The following RPS6KA2 variants were observed in gnomAD, a reference collection of about 807,000 sequenced individuals.
RPS6KA2 encodes ribosomal protein S6 kinase alpha-2.
A neutral mutation model predicts 91.8 loss-of-function variants in RPS6KA2; 42 were observed. The observed-to-expected ratio is 0.46, with a 90% CI of 0.36 to 0.59. The LOEUF (loss-of-function observed/expected upper bound fraction) is 0.59. RPS6KA2 is among the 20% of genes least tolerant of loss of function. RPS6KA2 has a pLI of 0.00. For synonymous variants in RPS6KA2, 414 were observed against 393.6 expected, an observed-to-expected ratio of 1.05 and a Z score of -0.61; for missense variants, 798 against 978.5, an observed-to-expected ratio of 0.82 and a Z score of 2.46.
intron 2 of RPS6KA2, among the ~76,000 whole-genome samples, chr6:166,730,651 A>T (rs986279205): frequency 1.2e-4 from 18 of 152,246 alleles, no homozygotes; most frequent in Non-Finnish European, 2.9e-5. Flanking sequence ...TTCTCTATAA[A>T]CATTTGAAAT....
intron 2 of RPS6KA2, among the ~76,000 whole-genome samples, chr6:166,718,479 A>G (rs541927072): frequency 2.0e-5 from 3 of 152,362 alleles, no homozygotes; most frequent in Admixed American, 6.5e-5. Flanking sequence ...CGTTTGAAGA[A>G]AAGTAATAGT....
At chr6:166,427,321 G>A (rs1369422306) in intron 16 of RPS6KA2, among the ~76,000 whole-genome samples, 1 of 152,076 alleles carries the variant, frequency 6.6e-6, no homozygotes. Flanking sequence ...AAGAGCTATC[G>A]ATGACAAACC....
chr6:166,650,661 T>C (rs1787828324), intron 2 of RPS6KA2, among the ~76,000 whole-genome samples: 1 of 152,238 alleles, frequency 6.6e-6, no homozygotes, highest in Admixed American at 6.5e-5. Context: ...GAGGGTGAAC[T>C]GAGTCAGGCT....
rs145380547 is a variant in RPS6KA2 at position 166,732,664 on chromosome 6, G to T, written c.123+125536C>A. On this transcript the variant is annotated intron_variant, in intron 2 of 21. Coordinates refer to the RPS6KA2 transcript ENST00000503859. This position sits in a 1 kb window ranked among gnomAD's most constrained non-coding sequence, Gnocchi z 4.0. ...GCCTTTGCAGGGATTGCTGTCTAGGGGATGGAAGCGCAAAGAAGCTCGGAG... is the reference window on the plus strand; with the variant it reads ...GCCTTTGCAGGGATTGCTGTCTAGGTGATGGAAGCGCAAAGAAGCTCGGAG... Among the ~76,000 whole-genome samples the T allele has an allele frequency of 1.2e-3, 178 of 152,330 alleles. No homozygotes were observed. The highest frequency in any genetic ancestry group is 2.8e-3 in the Admixed American group (43 of 15,298).
At chr6:166,750,521 G>T (rs933094236) in intron 2 of RPS6KA2, among the ~76,000 whole-genome samples, 2 of 152,286 alleles carry the variant, frequency 1.3e-5, no homozygotes, top group Middle Eastern at 3.4e-3. Flanking sequence ...CAGGCTCTGC[G>T]CTTGCTGGCC....
intron 10 of RPS6KA2, among the ~76,000 whole-genome samples, chr6:166,477,180 T>G (rs887804393): frequency 6.6e-6 from 1 of 152,164 alleles, no homozygotes; most frequent in African/African-American, 2.4e-5. Context: ...CTGTAGCTTC[T>G]TCATGTTGAG....
Position 166,637,554 on chromosome 6 carries a change from C to T in RPS6KA2, c.124-98770G>A, listed in dbSNP as rs142091508. On this transcript the variant is annotated intron_variant, in intron 2 of 21. Coordinates refer to the RPS6KA2 transcript ENST00000503859. ...GCAAGCTCAGACTGCAGGCTGCCTG[C>T]GCAGGTCTCTGAAAGGGACCCATCC... Among the ~76,000 whole-genome samples, 393 of 152,324 alleles carry T rather than the reference C, an allele frequency of 2.6e-3. 2 individuals carry two copies. Among genetic ancestry groups the T allele is most frequent in the Middle Eastern group, 0.01 (3 of 294 alleles).
rs1421757611 is a variant in RPS6KA2, at chr6:166,733,056, A to C, written c.123+125144T>G. Among the ~76,000 whole-genome samples the C allele has an allele frequency of 6.6e-6, 1 of 152,160 alleles. No homozygotes were observed. The highest frequency in any genetic ancestry group is 1.5e-5 in the Non-Finnish European group (1 of 68,030). On this transcript the variant is annotated intron_variant, in intron 2 of 21. Transcript: ENST00000503859. This position sits in a 1 kb window ranked among gnomAD's most constrained non-coding sequence, Gnocchi z 4.1. ...GGAGGTTTGGGACCCTCTTTGCAGAAGCTTTCACGAGCCTAAGGGTGAGAT... is the reference window on the plus strand; with the variant it reads ...GGAGGTTTGGGACCCTCTTTGCAGACGCTTTCACGAGCCTAAGGGTGAGAT...
Position 166,745,148 on chromosome 6 carries a change from C to CTTT in RPS6KA2, c.123+113049_123+113051dup, listed in dbSNP as rs147789754. Among the ~76,000 whole-genome samples, 456 of 105,908 alleles carry CTTT rather than the reference C, an allele frequency of 4.3e-3. 5 individuals are homozygous for CTTT. Among genetic ancestry groups the CTTT allele is most frequent in the African/African-American group, 0.016 (407 of 25,844 alleles). 69.5% of individuals were successfully genotyped at this position (105,908 alleles called of 152,430 possible). On this transcript the variant is annotated intron_variant, in intron 2 of 21. Coordinates refer to the RPS6KA2 transcript ENST00000503859. ...TGTGTGTGTCTGTGTCCTAATCGGCCTTTTTTTTTTTTTTTTTTTTGAGAG... is the reference window on the plus strand; with the variant it reads ...TGTGTGTGTCTGTGTCCTAATCGGCCTTTTTTTTTTTTTTTTTTTTTTTGAGAG...
chr6:166,835,517 C>T (rs1276884459), intron 2 of RPS6KA2, among the ~76,000 whole-genome samples: 1 of 152,192 alleles, frequency 6.6e-6, no homozygotes, highest in Non-Finnish European at 1.5e-5. Context: ...TGGGATCCTA[C>T]TGTATGTCAT....
chr6:166,543,329 C>T (rs1400701116), intron 1 of RPS6KA2, among the ~76,000 whole-genome samples: 2 of 152,164 alleles, frequency 1.3e-5, no homozygotes, highest in African/African-American at 2.4e-5. Flanking sequence ...TTCAGAATCA[C>T]CCCAAGGAAC....
Position 166,433,563 on chromosome 6 carries a change from A to G in RPS6KA2, c.1333-1073T>C, listed in dbSNP as rs1044459252. Reference sequence around the variant, plus strand: ...AACATGTATTTTGCAAACAACACTCAGAGCAGAAGAAAAGCGATTGGAAAC... The same window carrying G: ...AACATGTATTTTGCAAACAACACTCGGAGCAGAAGAAAAGCGATTGGAAAC... On this transcript the variant is annotated intron_variant, in intron 14 of 20. Coordinates refer to ENST00000265678, the MANE Select transcript of RPS6KA2 (RefSeq NM_021135.6). This position sits in a 1 kb window ranked among gnomAD's most constrained non-coding sequence, Gnocchi z 4.4. Among the ~76,000 whole-genome samples the G allele has an allele frequency of 2.6e-5, 4 of 152,212 alleles. No homozygotes were observed. The highest frequency in any genetic ancestry group is 7.2e-5 in the African/African-American group (3 of 41,466).
At chr6:166,469,761 C>A in intron 11 of RPS6KA2, 80 bp downstream of exon 11, 2 of 1,267,614 alleles carry the variant, frequency 1.6e-6, no homozygotes, top group South Asian at 2.4e-5. Context: ...CACTGAGGAC[C>A]CTCTGCACCA....
intron 2 of RPS6KA2, among the ~76,000 whole-genome samples, chr6:166,828,122 A>C (rs1002254427): frequency 6.6e-6 from 1 of 152,106 alleles, no homozygotes; most frequent in Non-Finnish European, 1.5e-5. Flanking sequence ...GATGGAGACA[A>C]TTACACCTCA....
chr6:166,600,485 G>A (rs974322299), intron 1 of RPS6KA2, among the ~76,000 whole-genome samples: 11 of 152,194 alleles, frequency 7.2e-5, no homozygotes, highest in African/African-American at 1.9e-4. Flanking sequence ...ATTTTCTTCC[G>A]ATCTAAATTC....
intron 2 of RPS6KA2, among the ~76,000 whole-genome samples, chr6:166,647,096 G>T: frequency 6.6e-6 from 1 of 152,134 alleles, no homozygotes; most frequent in East Asian, 1.9e-4. Flanking sequence ...ATCAGTATGT[G>T]CCAGAAATCG....
chr6:166,688,533 G>C (rs1308350424), intron 2 of RPS6KA2, among the ~76,000 whole-genome samples: 1 of 152,206 alleles, frequency 6.6e-6, no homozygotes, highest in Non-Finnish European at 1.5e-5. Flanking sequence ...GCAGAACCGT[G>C]GGGTAAAACA....
At chr6:166,749,959 G>A (rs1019088674) in intron 2 of RPS6KA2, among the ~76,000 whole-genome samples, 9 of 151,986 alleles carry the variant, frequency 5.9e-5, no homozygotes, top group Non-Finnish European at 1.0e-4. Context: ...CAGAGAGGGC[G>A]GTGGAGGTGG....
chr6:166,620,965 A>C (rs1387002945), intron 1 of RPS6KA2, among the ~76,000 whole-genome samples: 2 of 152,130 alleles, frequency 1.3e-5, no homozygotes, highest in African/African-American at 4.8e-5. Flanking sequence ...GGCAGGAGGG[A>C]AACAGGGACA....
Sources: gnomAD v4.1 joint callset for allele counts (sites outside exome capture counted in the v4.1 genomes callset) on GRCh38, gnomAD v4.1.1 for gene constraint, Gnocchi (gnomAD v3.1) non-coding constraint, MANE v1.5 for transcripts, NCBI Gene and HGNC (gene_info 2026-07-23, HGNC 2026-07-21) for gene names.